Variants in CSMD3 observed in about 807,000 individuals in gnomAD.
CSMD3 encodes CUB and sushi domain-containing protein 3.
In CSMD3, 177 loss-of-function variants were observed where a neutral mutation model predicts 435.2. The ratio of observed to expected loss-of-function variants is 0.41; its 90% confidence interval spans 0.36 to 0.46. The LOEUF (loss-of-function observed/expected upper bound fraction) is 0.46, where lower values mean the gene tolerates loss of function less well. CSMD3 is among the 20% of genes least tolerant of loss of function. CSMD3 has a pLI of 0.34. For synonymous variants in CSMD3, 1,656 were observed against 1,520.5 expected, an observed-to-expected ratio of 1.09 and a Z score of -2.07; for missense variants, 4,265 against 4,504.6, an observed-to-expected ratio of 0.95 and a Z score of 1.52.
At chr8:113,165,885 G>T (rs2092139704) in intron 4 of CSMD3, among the ~76,000 whole-genome samples, 3 of 152,074 alleles carry the variant, frequency 2.0e-5, no homozygotes, top group African/African-American at 7.2e-5. Context: ...GGAACATAAT[G>T]TAAGTCAATG....
chr8:112,810,944 A>G (rs947994700), intron 12 of CSMD3, among the ~76,000 whole-genome samples: 3 of 152,112 alleles, frequency 2.0e-5, no homozygotes, highest in Non-Finnish European at 1.5e-5. Flanking sequence ...AGATACCACA[A>G]CAGTTTATAA....
intron 5 of CSMD3, among the ~76,000 whole-genome samples, chr8:113,089,869 C>A (rs1301768881): frequency 6.6e-6 from 1 of 151,472 alleles, no homozygotes; most frequent in South Asian, 2.1e-4. Flanking sequence ...ACAAACAAAG[C>A]GAAAAATAAA....
chr8:112,246,532 G>A lies in CSMD3; in HGVS notation c.10222+488C>T, dbSNP rs142817197. The stretch of plus-strand genomic sequence containing the variant: ...TGTATAGCAAGTGCTCTCCACTGAG[G>A]ATCAGAGAACATATAAAGGAAATTC... On this transcript the variant is annotated intron_variant, in intron 64 of 70. Coordinates refer to ENST00000297405, the MANE Select transcript of CSMD3 (RefSeq NM_198123.2). 9.7e-3 allele frequency among the ~76,000 whole-genome samples: 1,475 copies of A among 152,260 alleles called. 9 individuals are homozygous for A. The highest frequency in any genetic ancestry group is 0.013 in the Non-Finnish European group (888 of 68,022).
intron 13 of CSMD3, among the ~76,000 whole-genome samples, chr8:112,736,909 T>C (rs2077197157): frequency 1.3e-5 from 2 of 152,116 alleles, no homozygotes; most frequent in South Asian, 4.1e-4. Context: ...TTTCATCTAA[T>C]AGGTTCACAG....
chr8:112,726,817 T>C (rs1158276767), intron 13 of CSMD3, among the ~76,000 whole-genome samples: 1 of 151,916 alleles, frequency 6.6e-6, no homozygotes, highest in Non-Finnish European at 1.5e-5. Context: ...AAAATTTGAT[T>C]ATTGATGTAA....
chr8:113,014,045 C>A (rs1190730687), intron 6 of CSMD3, among the ~76,000 whole-genome samples: 1 of 152,100 alleles, frequency 6.6e-6, no homozygotes, highest in Non-Finnish European at 1.5e-5. Flanking sequence ...ATCCCAGTAG[C>A]TAGCCACTTA....
At chr8:112,448,563 G>A (rs1032853517) in intron 32 of CSMD3, among the ~76,000 whole-genome samples, 1 of 152,156 alleles carries the variant, frequency 6.6e-6, no homozygotes, top group African/African-American at 2.4e-5. Context: ...ACTAGGAAGA[G>A]ACAAGAAACA....
At chr8:112,831,776 T>C (rs937405925) in intron 11 of CSMD3, among the ~76,000 whole-genome samples, 5 of 152,112 alleles carry the variant, frequency 3.3e-5, no homozygotes, top group African/African-American at 1.2e-4. Context: ...CAATAATATT[T>C]GTAATACACA....
At chr8:112,488,386 C>T (rs1820346363) in intron 31 of CSMD3, among the ~76,000 whole-genome samples, 1 of 152,034 alleles carries the variant, frequency 6.6e-6, no homozygotes, top group South Asian at 2.1e-4. Context: ...GCGACTAAGG[C>T]AACATTATAA....
At chr8:112,391,371 T>C (rs1456086685) in intron 35 of CSMD3, among the ~76,000 whole-genome samples, 3 of 152,096 alleles carry the variant, frequency 2.0e-5, no homozygotes, top group African/African-American at 7.2e-5. Flanking sequence ...AATGGAGTCA[T>C]TAAGAGATTG....
intron 9 of CSMD3, among the ~76,000 whole-genome samples, chr8:112,931,156 T>C (rs2083094415): frequency 6.8e-6 from 1 of 146,550 alleles, no homozygotes; most frequent in Admixed American, 6.6e-5. Context: ...TACTTCATCA[T>C]TTTTTTTATG....
intron 54 of CSMD3, among the ~76,000 whole-genome samples, chr8:112,294,877 T>C (rs538430454): frequency 1.1e-3 from 164 of 152,250 alleles, no homozygotes; most frequent in Non-Finnish European, 2.2e-3. Flanking sequence ...AAATAAACTT[T>C]TATTTATTTT....
intron 5 of CSMD3, among the ~76,000 whole-genome samples, chr8:113,027,697 C>G (rs1015443296): frequency 6.6e-6 from 1 of 152,054 alleles, no homozygotes; most frequent in African/African-American, 2.4e-5. Flanking sequence ...CTATAGTAAG[C>G]TTTATTTCCT....
intron 5 of CSMD3, among the ~76,000 whole-genome samples, chr8:113,070,794 T>C (rs1440990202): frequency 6.6e-6 from 1 of 152,056 alleles, no homozygotes; most frequent in Admixed American, 6.6e-5. Flanking sequence ...GGAGTATAGG[T>C]ATCTCTTTAA....
chr8:113,375,542 C>CAT (rs1190986909), intron 1 of CSMD3, among the ~76,000 whole-genome samples: 16 of 145,800 alleles, frequency 1.1e-4, no homozygotes, highest in Admixed American at 8.3e-4. Flanking sequence ...CACACACACA[C>CAT]ACACGTGTCA....
intron 1 of CSMD3, among the ~76,000 whole-genome samples, chr8:113,358,015 G>T (rs963986671): frequency 6.6e-6 from 1 of 152,100 alleles, no homozygotes; most frequent in African/African-American, 2.4e-5. Flanking sequence ...GACTAATACC[G>T]AGTATGCATA....
intron 1 of CSMD3, among the ~76,000 whole-genome samples, chr8:113,399,106 T>C (rs28602168): frequency 0.035 from 3,320 of 95,034 alleles, 80 homozygotes; most frequent in African/African-American, 0.075. Context: ...TATATATATA[T>C]ACACACACAC....
intron 4 of CSMD3, among the ~76,000 whole-genome samples, chr8:113,160,517 T>C (rs1374129872): frequency 1.3e-5 from 2 of 152,040 alleles, no homozygotes; most frequent in Non-Finnish European, 2.9e-5. Flanking sequence ...CTATGGATTA[T>C]ATATTGAAGA....
At chr8:113,022,986 A>C (rs1398952528) in intron 5 of CSMD3, among the ~76,000 whole-genome samples, 1 of 152,064 alleles carries the variant, frequency 6.6e-6, no homozygotes, top group Admixed American at 6.6e-5. Flanking sequence ...AGAGAATGTA[A>C]TTATAATCCT....
Sources: allele counts gnomAD v4.1 joint callset (sites outside exome capture counted in the v4.1 genomes callset), GRCh38; gene constraint gnomAD v4.1.1; transcripts MANE v1.5; gene names NCBI Gene and HGNC (gene_info 2026-07-23, HGNC 2026-07-21).